CCSER2: variants seen among roughly 807,000 people sequenced by gnomAD.
CCSER2 encodes coiled-coil serine rich protein 2, also known as serine-rich coiled-coil domain-containing protein 2.
A neutral mutation model predicts 92.3 loss-of-function variants in CCSER2; 46 were observed. The ratio of observed to expected loss-of-function variants is 0.50; its 90% confidence interval spans 0.39 to 0.64. The LOEUF (loss-of-function observed/expected upper bound fraction) is 0.64, where lower values mean the gene tolerates loss of function less well. CCSER2 is among the 30% of genes least tolerant of loss of function. The pLI, the probability that CCSER2 is intolerant of heterozygous loss-of-function variation, is 0.00. For missense variants in CCSER2, 1,244 were observed against 1,238.9 expected, an observed-to-expected ratio of 1.00 and a Z score of -0.06; for synonymous variants, 433 against 431.4, an observed-to-expected ratio of 1.00 and a Z score of -0.04.
At chr10:84,436,353 A>T (rs1210140699) in intron 5 of CCSER2, among the ~76,000 whole-genome samples, 1 of 96,572 alleles carries the variant, frequency 1.0e-5, no homozygotes. Context: ...AAAAAAAAAA[A>T]TGCCGGGCGC....
chr10:84,353,218 C>T (rs778927594), intron 1 of CCSER2, among the ~76,000 whole-genome samples: 3 of 152,154 alleles, frequency 2.0e-5, no homozygotes, highest in Non-Finnish European at 4.4e-5. Context: ...ACGGTTAAGC[C>T]TTTCCACCCT....
chr10:84,410,789 T>C (rs958281668), intron 3 of CCSER2, among the ~76,000 whole-genome samples: 14 of 152,368 alleles, frequency 9.2e-5, no homozygotes, highest in African/African-American at 3.4e-4. Context: ...CAATTTTTGC[T>C]TTTGTTGTAA....
intron 9 of CCSER2, among the ~76,000 whole-genome samples, chr10:84,480,767 C>T (rs1847410410): frequency 3.9e-5 from 6 of 152,168 alleles, no homozygotes. Context: ...GTCTTCCAGC[C>T]TTGTTTGGTG....
chr10:84,356,129 A>G (rs1222378095), intron 1 of CCSER2, among the ~76,000 whole-genome samples: 1 of 149,534 alleles, frequency 6.7e-6, no homozygotes, highest in Non-Finnish European at 1.5e-5. Context: ...AAGGTGTTGT[A>G]TTAATCTGAG....
At chr10:84,342,932 G>A (rs1387297904) in intron 1 of CCSER2, among the ~76,000 whole-genome samples, 2 of 152,022 alleles carry the variant, frequency 1.3e-5, no homozygotes, top group African/African-American at 2.4e-5. Flanking sequence ...CAGTGCAGTG[G>A]TGTGATCTCT....
intron 9 of CCSER2, among the ~76,000 whole-genome samples, chr10:84,499,616 G>T (rs1017537113): frequency 6.6e-6 from 1 of 151,934 alleles, no homozygotes; most frequent in African/African-American, 2.4e-5. Flanking sequence ...ATACCGGAAA[G>T]AATATATTAT....
chr10:84,391,237 C>A, intron 3 of CCSER2: 1 of 1,312,284 alleles, frequency 7.6e-7, no homozygotes, highest in Non-Finnish European at 1.1e-6. Flanking sequence ...GAAAACTTGC[C>A]CAAGCCATGC....
intron 3 of CCSER2, among the ~76,000 whole-genome samples, chr10:84,412,773 T>C (rs1423745934): frequency 6.6e-6 from 1 of 152,186 alleles, no homozygotes; most frequent in Admixed American, 6.5e-5. Context: ...ATATGGGTAC[T>C]TGAGATAATG....
In CCSER2 at chr10:84,417,858, A is replaced by G. The variant is rs919987765; in HGVS notation, c.1702A>G (p.Asn568Asp). The G allele has an allele frequency of 6.6e-7, 1 of 1,524,350 alleles. No individual in the cohort carries two copies. The highest frequency in any genetic ancestry group is 1.4e-5 in the African/African-American group (1 of 73,078). The allele number at this position is 1,524,350 out of a possible 1,614,324, so 94.4% of individuals were successfully genotyped here. A position where few individuals can be genotyped will look rare whatever the true frequency, so the allele number is the denominator to read the frequency against. ...VDLPEDAPLE[N>D]VECDNMNRFD... ...TCTGCCTGAGGATGCACCTCTTGAA[A>G]ATGGTAAGTTGAGACAATATTGAAC... Residue 568 changes from asparagine (N) to aspartate (D), a missense_variant, in exon 4 of 10, where the codon AAT (asparagine) becomes GAT (aspartate). Asn to Asp is a conservative substitution (Grantham distance 23, BLOSUM62 1). Transcript: ENST00000372088.
chr10:84,510,445 A>G (rs959724512), intron 9 of CCSER2, among the ~76,000 whole-genome samples: 1 of 152,218 alleles, frequency 6.6e-6, no homozygotes, highest in African/African-American at 2.4e-5. Context: ...CCTCAAGCAC[A>G]GGAACAAAGT....
chr10:84,492,374 C>T (rs1460792466), intron 9 of CCSER2, among the ~76,000 whole-genome samples: 1 of 148,118 alleles, frequency 6.8e-6, no homozygotes, highest in Non-Finnish European at 1.5e-5. Flanking sequence ...GAGAGTTTTT[C>T]TGTAGTTTGG....
rs1845606277 is a variant in CCSER2 at position 84,456,149 on chromosome 10, C to T, written c.2065-7784C>T. 6.8e-5 allele frequency: 20 copies of T among 295,626 alleles called. No individual in the cohort carries two copies. In the South Asian group the frequency reaches 7.0e-4, roughly 10 times the overall value. 18.3% of individuals were successfully genotyped at this position (295,626 alleles called of 1,614,324 possible). A position where few individuals can be genotyped will look rare whatever the true frequency, so the allele number is the denominator to read the frequency against. On this transcript the variant is annotated intron_variant, in intron 6 of 9. Transcript: ENST00000372088. ...AGAGCCCTCAAATCAAACACAGACC[C>T]CCACCTGCATGAATTCAGTGTACAG...
chr10:84,466,671 A>AT (rs766106050), intron 7 of CCSER2, among the ~76,000 whole-genome samples: 1,600 of 139,840 alleles, frequency 0.011, 8 homozygotes, highest in African/African-American at 0.017. Flanking sequence ...CGCCTGGCTA[A>AT]TTTTTTTTTT....
chr10:84,503,445 C>T (rs758562028), intron 9 of CCSER2, among the ~76,000 whole-genome samples: 201 of 152,224 alleles, frequency 1.3e-3, no homozygotes, highest in Non-Finnish European at 2.6e-3. Flanking sequence ...TGTACAAATT[C>T]ACTTAACTGG....
intron 9 of CCSER2, among the ~76,000 whole-genome samples, chr10:84,490,234 C>T (rs920807781): frequency 1.4e-4 from 21 of 152,232 alleles, no homozygotes; most frequent in Admixed American, 9.8e-4. Context: ...TTGCTCTTCT[C>T]GAGGATTATC....
intron 6 of CCSER2, among the ~76,000 whole-genome samples, chr10:84,446,963 CA>C (rs1281518045): frequency 4.0e-5 from 6 of 151,320 alleles, no homozygotes; most frequent in African/African-American, 1.5e-4. Flanking sequence ...ATTGGTGCTC[CA>C]ATCTATGAAC....
At chr10:84,341,955 T>G (rs531198994) in intron 1 of CCSER2, among the ~76,000 whole-genome samples, 1 of 152,220 alleles carries the variant, frequency 6.6e-6, no homozygotes, top group Non-Finnish European at 1.5e-5. Flanking sequence ...TCTCCACGTA[T>G]TCAGCTCTCT....
intron 3 of CCSER2, among the ~76,000 whole-genome samples, chr10:84,413,381 T>C (rs1414125819): frequency 6.6e-6 from 1 of 152,212 alleles, no homozygotes; most frequent in Admixed American, 6.5e-5. Flanking sequence ...AGAACTTGAT[T>C]TCTGCCTTAC....
intron 3 of CCSER2, among the ~76,000 whole-genome samples, chr10:84,414,242 C>T (rs1453228137): frequency 6.6e-6 from 1 of 152,146 alleles, no homozygotes; most frequent in East Asian, 1.9e-4. Context: ...TTCATAGTGT[C>T]ACTTGGTCTG....
Sources: gnomAD v4.1 joint callset for allele counts (sites outside exome capture counted in the v4.1 genomes callset) on GRCh38, gnomAD v4.1.1 for gene constraint, MANE v1.5 for transcripts, NCBI Gene and HGNC (gene_info 2026-07-23, HGNC 2026-07-21) for gene names.